RAD18: variants seen among roughly 807,000 people sequenced by gnomAD.
RAD18 encodes the protein E3 ubiquitin-protein ligase RAD18.
In RAD18, 47 loss-of-function variants were observed where a neutral mutation model predicts 60.4. The ratio of observed to expected loss-of-function variants is 0.78; its 90% confidence interval spans 0.62 to 0.99. RAD18 has a LOEUF of 0.99. Among genes scored for constraint, RAD18 ranks in the 50% least tolerant of loss-of-function variants. The probability of loss-of-function intolerance (pLI) is 0.00; values close to 1 mark genes in which losing one functional copy is unlikely to be tolerated. For synonymous variants in RAD18, 225 were observed against 195.5 expected (o/e 1.15, Z -1.26); for missense variants, 640 against 593.3 (o/e 1.08, Z -0.82).
intron 3 of RAD18, 55 bp downstream of exon 3, chr3:8,948,454 A>C: frequency 1.4e-6 from 2 of 1,477,548 alleles, no homozygotes; most frequent in Non-Finnish European, 1.9e-6. Flanking sequence ...GTATACACAA[A>C]GCAGAAATAT....
chr3:8,905,319 G>A (rs1021478386), intron 9 of RAD18, among the ~76,000 whole-genome samples: 4 of 152,190 alleles, frequency 2.6e-5, no homozygotes, highest in African/African-American at 7.2e-5. Context: ...TTTTTAGAAC[G>A]AAATCAAGCC....
chr3:8,924,708 A>C (rs184010011), intron 7 of RAD18, among the ~76,000 whole-genome samples: 1 of 113,182 alleles, frequency 8.8e-6, no homozygotes, highest in Non-Finnish European at 1.9e-5. Context: ...ATAACAAACT[A>C]TCTCTCAGAC....
intron 2 of RAD18, among the ~76,000 whole-genome samples, chr3:8,951,435 C>T (rs1341091420): frequency 6.6e-6 from 1 of 152,108 alleles, no homozygotes; most frequent in Non-Finnish European, 1.5e-5. Flanking sequence ...CTCAGACAAA[C>T]ACAAATTGAA....
intron 4 of RAD18, chr3:8,946,886 A>G (rs767696823): frequency 4.1e-4 from 86 of 209,954 alleles, no homozygotes; most frequent in Non-Finnish European, 7.8e-4. Context: ...GTCTCTAAAT[A>G]CTATTCTCCA....
At chr3:8,929,457 CAA>C in intron 7 of RAD18, among the ~76,000 whole-genome samples, 1 of 151,782 alleles carries the variant, frequency 6.6e-6, no homozygotes, top group Non-Finnish European at 1.5e-5. Flanking sequence ...CTTAAAAAAA[CAA>C]AAACAAAAAG....
At chr3:8,899,286 A>T (rs1403824866) in intron 10 of RAD18, among the ~76,000 whole-genome samples, 1 of 152,252 alleles carries the variant, frequency 6.6e-6, no homozygotes, top group Non-Finnish European at 1.5e-5. Context: ...TTTATTTTAA[A>T]ACCAGAAGCA....
intron 12 of RAD18, among the ~76,000 whole-genome samples, chr3:8,882,613 G>A (rs774775976): frequency 6.6e-6 from 1 of 152,188 alleles, no homozygotes; most frequent in Non-Finnish European, 1.5e-5. Flanking sequence ...ATGGCTGAGG[G>A]AGAGACACAG....
chr3:8,890,125 G>A (rs1559755682), intron 12 of RAD18: 3 of 461,226 alleles, frequency 6.5e-6, no homozygotes, highest in Admixed American at 6.7e-5. Context: ...GTTAAGTGAT[G>A]CATGACTGTA....
At chr3:8,930,404 A>G (rs891277371) in intron 7 of RAD18, among the ~76,000 whole-genome samples, 3 of 152,152 alleles carry the variant, frequency 2.0e-5, no homozygotes, top group Non-Finnish European at 4.4e-5. Flanking sequence ...TAGGGCTGGA[A>G]GGGTTGGTAG....
Position 8,898,917 on chromosome 3 carries a change from T to C in RAD18, c.1299A>G (p.Ser433=). The C allele has an allele frequency of 6.3e-7, 1 of 1,597,960 alleles. No individual in the cohort carries two copies. Among genetic ancestry groups the C allele is most frequent in the Non-Finnish European group, 8.5e-7 (1 of 1,171,870 alleles). Residue 433 remains serine (S), a synonymous_variant, in exon 11 of 13, where the codon TCA becomes TCG. Transcript: ENST00000264926. ...SCIDIQEVLS[S]SESDSCNSSS... Reference sequence around the variant, plus strand: ...ACCTATTGCATGAATCTGATTCTGATGAAGAAAGAACTTCTTGAATATCAA... The same window carrying C: ...ACCTATTGCATGAATCTGATTCTGACGAAGAAAGAACTTCTTGAATATCAA...
At chr3:8,915,125 G>A (rs1406072781) in intron 7 of RAD18, among the ~76,000 whole-genome samples, 1 of 124,904 alleles carries the variant, frequency 8.0e-6, no homozygotes, top group African/African-American at 3.0e-5. Flanking sequence ...CTCCAGCCCA[G>A]CGACAAAGCG....
chr3:8,888,105 C>A (rs1375165653), intron 12 of RAD18, among the ~76,000 whole-genome samples: 6 of 152,194 alleles, frequency 3.9e-5, no homozygotes, highest in Non-Finnish European at 7.3e-5. Context: ...CCTGAGAAAA[C>A]CCCAATCAGG....
chr3:8,922,811 G>A (rs1055709512), intron 7 of RAD18, among the ~76,000 whole-genome samples: 1 of 152,196 alleles, frequency 6.6e-6, no homozygotes, highest in Admixed American at 6.5e-5. Context: ...AACAGGGTCT[G>A]GAGTGGACCT....
At chr3:8,946,143 T>C (rs1180036134) in intron 4 of RAD18, among the ~76,000 whole-genome samples, 3 of 152,248 alleles carry the variant, frequency 2.0e-5, no homozygotes, top group Admixed American at 6.5e-5. Context: ...CCATTCATAG[T>C]AAATGCCCTA....
In RAD18 at chr3:8,949,389, T is replaced by C. The variant is rs191104569; in HGVS notation, c.134-819A>G. Reference sequence around the variant, plus strand: ...AGGAGACAGCATAATTTCAATGGTATGGATATCCAGGAAATAAGCAAGTCT... The same window carrying C: ...AGGAGACAGCATAATTTCAATGGTACGGATATCCAGGAAATAAGCAAGTCT... On this transcript the variant is annotated intron_variant, in intron 2 of 12. Transcript: ENST00000264926. 7.4e-4 allele frequency among the ~76,000 whole-genome samples: 113 copies of C among 152,206 alleles called. 1 individual carries two copies. The East Asian group carries it at 0.011, about 14-fold the overall frequency.
chr3:8,900,040 A>G (rs913395423), intron 10 of RAD18, among the ~76,000 whole-genome samples: 3 of 152,212 alleles, frequency 2.0e-5, no homozygotes, highest in Admixed American at 2.0e-4. Flanking sequence ...CAAATTCTTC[A>G]AAAAACCTTG....
chr3:8,889,765 G>A (rs1939651327), intron 12 of RAD18, among the ~76,000 whole-genome samples: 1 of 152,172 alleles, frequency 6.6e-6, no homozygotes. Flanking sequence ...GCATATTAAA[G>A]AGTCCCTTCT....
chr3:8,891,549 G>A (rs984935414), intron 11 of RAD18, among the ~76,000 whole-genome samples: 1 of 152,154 alleles, frequency 6.6e-6, no homozygotes, highest in Non-Finnish European at 1.5e-5. Flanking sequence ...GAAAACAGAT[G>A]TTAGAGGTGG....
chr3:8,945,598 A>G (rs182378273), intron 4 of RAD18, among the ~76,000 whole-genome samples: 2 of 148,060 alleles, frequency 1.4e-5, no homozygotes, highest in African/African-American at 4.9e-5. Context: ...CAGCCTCCCA[A>G]GTAGCTGGGA....
Sources: allele counts gnomAD v4.1 joint callset (sites outside exome capture counted in the v4.1 genomes callset), GRCh38; gene constraint gnomAD v4.1.1; transcripts MANE v1.5; gene names NCBI Gene and HGNC (gene_info 2026-07-23, HGNC 2026-07-21).